OXNAD1: variants seen among roughly 807,000 people sequenced by gnomAD.
OXNAD1 encodes oxidoreductase NAD binding domain containing 1, also known as oxidoreductase NAD-binding domain-containing protein 1.
Under a neutral mutation model 32.9 loss-of-function variants are expected in OXNAD1, and 34 were observed. That is an observed-to-expected ratio of 1.03 (90% CI 0.79 to 1.38). The LOEUF (loss-of-function observed/expected upper bound fraction) is 1.38, where lower values mean the gene tolerates loss of function less well. Ranked by LOEUF, OXNAD1 falls within the 40% of genes most tolerant of loss-of-function variation. OXNAD1 has a pLI of 0.00. For missense variants in OXNAD1, 407 were observed against 379.4 expected (o/e 1.07, Z -0.60); for synonymous variants, 134 against 135.2 (o/e 0.99, Z 0.06).
rs904428037 is a variant in OXNAD1, at chr3:16,287,054, A to G, written c.290+606A>G. Among the ~76,000 whole-genome samples the G allele has an allele frequency of 5.3e-5, 8 of 152,146 alleles. No homozygotes were observed. Among genetic ancestry groups the G allele is most frequent in the African/African-American group, 1.9e-4 (8 of 41,454 alleles). Reference sequence around the variant, plus strand: ...CCCACACAAATCATAAGTCTGTCCCATTTGACTCGGGACTGATCAGCATGC... The same window carrying G: ...CCCACACAAATCATAAGTCTGTCCCGTTTGACTCGGGACTGATCAGCATGC... On this transcript the variant is annotated intron_variant, in intron 5 of 8. Transcript: ENST00000285083. This position sits in a 1 kb window ranked among gnomAD's most constrained non-coding sequence, Gnocchi z 4.8.
Position 16,316,857 on chromosome 3 carries a change from TG to T in OXNAD1, c.*30+13266del, listed in dbSNP as rs768524709. On this transcript the variant is annotated intron_variant, in intron 9 of 9. Transcript: ENST00000435829. This position sits in a 1 kb window ranked among gnomAD's most constrained non-coding sequence, Gnocchi z 4.5. Reference sequence around the variant, plus strand: ...TTTTCTTCAACCGTACCAAGCTCTCTGACTTCCTCAGCATCCCCGTCCCTGG... The same window carrying T: ...TTTTCTTCAACCGTACCAAGCTCTCTACTTCCTCAGCATCCCCGTCCCTGG... 1.9e-6 allele frequency: 3 copies of T among 1,614,184 alleles called. No homozygotes were observed. The highest frequency in any genetic ancestry group is 2.5e-6 in the Non-Finnish European group (3 of 1,180,034).
intron 9 of OXNAD1, among the ~76,000 whole-genome samples, chr3:16,323,005 G>T (rs983155361): frequency 1.3e-5 from 2 of 152,178 alleles, no homozygotes; most frequent in Non-Finnish European, 2.9e-5. Context: ...AGCTGATAAT[G>T]AGATTAAGAC....
intron 9 of OXNAD1, among the ~76,000 whole-genome samples, chr3:16,343,644 A>C (rs991623285): frequency 2.2e-4 from 34 of 152,258 alleles, no homozygotes; most frequent in African/African-American, 8.2e-4. Context: ...ATGTGTTTTC[A>C]TAAATTTGGT....
chr3:16,269,914 CAAAG>C (rs1023384430), intron 2 of OXNAD1, among the ~76,000 whole-genome samples: 28 of 152,008 alleles, frequency 1.8e-4, no homozygotes, highest in Non-Finnish European at 1.5e-5. Context: ...CCATTTTAGA[CAAAG>C]AAATGTTTAA....
chr3:16,274,128 GT>G (rs2065153637), intron 4 of OXNAD1, among the ~76,000 whole-genome samples: 1 of 147,886 alleles, frequency 6.8e-6, no homozygotes, highest in South Asian at 2.1e-4. Flanking sequence ...TTTGTTGGGT[GT>G]GTGCTTTCCC....
downstream of OXNAD1, among the ~76,000 whole-genome samples, chr3:16,350,554 G>T (rs532136988): frequency 4.0e-4 from 61 of 151,770 alleles, no homozygotes; most frequent in African/African-American, 1.4e-3. Context: ...AAACAGGTGT[G>T]TAACTGTCAA....
rs758034907 is a variant in OXNAD1, at chr3:16,301,356, G to A, written c.433-270G>A. On this transcript the variant is annotated intron_variant, in intron 6 of 8. Coordinates refer to ENST00000285083, the MANE Select transcript of OXNAD1 (RefSeq NM_138381.5). This position sits in a 1 kb window ranked among gnomAD's most constrained non-coding sequence, Gnocchi z 4.1. ...CTCAATCCAGTTCATCGCCTAAGAAGTTAACAAATGGTGAAATCACTGAAG... is the reference window on the plus strand; with the variant it reads ...CTCAATCCAGTTCATCGCCTAAGAAATTAACAAATGGTGAAATCACTGAAG... Among the ~76,000 whole-genome samples, 1 of 152,176 alleles carries A rather than the reference G, an allele frequency of 6.6e-6. No individual in the cohort carries two copies. Among genetic ancestry groups the A allele is most frequent in the Non-Finnish European group, 1.5e-5 (1 of 68,034 alleles).
intron 4 of OXNAD1, among the ~76,000 whole-genome samples, chr3:16,279,481 G>C (rs2065595582): frequency 6.6e-6 from 1 of 152,050 alleles, no homozygotes; most frequent in Admixed American, 6.6e-5. Context: ...AATTAAACAG[G>C]CTGTTGGACA....
downstream of OXNAD1, among the ~76,000 whole-genome samples, chr3:16,337,883 G>A (rs1452465022): frequency 6.6e-6 from 1 of 152,194 alleles, no homozygotes; most frequent in Non-Finnish European, 1.5e-5. The surrounding 1 kb of genome is among the most constrained non-coding windows in gnomAD (Gnocchi z 5.0). Context: ...CTCCAGGCCG[G>A]ACACTTTGGC....
At chr3:16,338,584 A>T (rs978601685), downstream of OXNAD1, among the ~76,000 whole-genome samples, 5 of 152,238 alleles carry the variant, frequency 3.3e-5, no homozygotes, top group Non-Finnish European at 7.3e-5. This position sits in a 1 kb window ranked among gnomAD's most constrained non-coding sequence, Gnocchi z 5.3. Context: ...ATTAAAAAAG[A>T]AACATTTTCT....
At chr3:16,282,300 A>ACT (rs2065800001) in intron 4 of OXNAD1, among the ~76,000 whole-genome samples, 1 of 150,390 alleles carries the variant, frequency 6.6e-6, no homozygotes, top group Non-Finnish European at 1.5e-5. Context: ...CTCTCCCTGA[A>ACT]CTCTCCCATA....
At chr3:16,300,976 G>A (rs189186974) in intron 6 of OXNAD1, among the ~76,000 whole-genome samples, 19 of 152,210 alleles carry the variant, frequency 1.2e-4, no homozygotes, top group African/African-American at 3.6e-4. Context: ...ATGGTATTAC[G>A]GGCATAAGTG....
chr3:16,286,149 C>CA (rs1333217188), intron 4 of OXNAD1, among the ~76,000 whole-genome samples, 193 bp from the exon 5 acceptor site: 12 of 151,822 alleles, frequency 7.9e-5, no homozygotes, highest in Admixed American at 6.6e-4. Flanking sequence ...GCAAGTCTCT[C>CA]AAAAAAAAGT....
chr3:16,328,836 G>T (rs1320665690), intron 9 of OXNAD1, among the ~76,000 whole-genome samples: 1 of 152,220 alleles, frequency 6.6e-6, no homozygotes, highest in Non-Finnish European at 1.5e-5. Flanking sequence ...CTGTAATTCT[G>T]TGGCCAGAAT....
At position 16,345,104 on chromosome 3, in the gene OXNAD1, G is replaced by A. The variant is rs899549555; in HGVS notation, c.*31-4072G>A. 1 of 152,400 alleles carries A rather than the reference G, an allele frequency of 6.6e-6. No individual in the cohort carries two copies. The highest frequency in any genetic ancestry group is 2.1e-4 in the South Asian group (1 of 4,832). 9.4% of individuals were successfully genotyped at this position (152,400 alleles called of 1,614,324 possible). On this transcript the variant is annotated intron_variant, in intron 9 of 9. Transcript: ENST00000606098. The surrounding 1 kb of genome is among the most constrained non-coding windows in gnomAD (Gnocchi z 5.2). ...TGCAACCACAAGGCCAACAACCTAA[G>A]TGAGCTTGGAAGTGGATTCTTCCCC...
At chr3:16,307,259 T>C (rs2067624531), downstream of OXNAD1, among the ~76,000 whole-genome samples, 1 of 152,246 alleles carries the variant, frequency 6.6e-6, no homozygotes, top group African/African-American at 2.4e-5. Flanking sequence ...AATTTTTTGA[T>C]GTTCAGCTTG....
intron 9 of OXNAD1, among the ~76,000 whole-genome samples, chr3:16,343,273 C>CTGGG (rs1239953834): frequency 2.0e-5 from 3 of 152,198 alleles, no homozygotes; most frequent in Non-Finnish European, 4.4e-5. Flanking sequence ...ACACCAGCAT[C>CTGGG]TGGGAGTTGA....
At chr3:16,293,413 T>C (rs1330358938) in intron 5 of OXNAD1, among the ~76,000 whole-genome samples, 4 of 152,232 alleles carry the variant, frequency 2.6e-5, no homozygotes, top group African/African-American at 9.6e-5. Flanking sequence ...TTCTAATATC[T>C]TTTTAGTGAA....
chr3:16,324,240 CTACTTAACAAATCCATCACCTCACA>C (rs2069423157), intron 9 of OXNAD1, among the ~76,000 whole-genome samples: 1 of 152,122 alleles, frequency 6.6e-6, no homozygotes, highest in Non-Finnish European at 1.5e-5. Flanking sequence ...TTAAATCAGG[CTACTTAACAAATCCATCACCTCACA>C]TACTTAGCAC....
Sources: allele counts gnomAD v4.1 joint callset (sites outside exome capture counted in the v4.1 genomes callset), GRCh38; gene constraint gnomAD v4.1.1; non-coding constraint Gnocchi (gnomAD v3.1); transcripts MANE v1.5; gene names NCBI Gene and HGNC (gene_info 2026-07-23, HGNC 2026-07-21).